The following EP400 variants were observed in gnomAD, a reference collection of about 807,000 sequenced individuals.
EP400 encodes E1A binding protein p400.
A neutral mutation model predicts 354.1 loss-of-function variants in EP400; 105 were observed. The observed-to-expected ratio is 0.30, with a 90% CI of 0.25 to 0.35. The LOEUF is 0.35. Among genes scored for constraint, EP400 ranks in the 10% least tolerant of loss-of-function variants. The pLI is 1.00. For missense variants in EP400, 3,280 were observed against 4,121.0 expected, an observed-to-expected ratio of 0.80 and a Z score of 5.59; for synonymous variants, 1,646 against 1,716.9, an observed-to-expected ratio of 0.96 and a Z score of 1.02.
At position 132,054,558 on chromosome 12, in the gene EP400, G is replaced by C. The variant is rs1369402290; in HGVS notation, c.7729-416G>C. Among the ~76,000 whole-genome samples, 5 of 152,200 alleles carry C rather than the reference G, an allele frequency of 3.3e-5. No individual in the cohort carries two copies. The highest frequency in any genetic ancestry group is 4.8e-5 in the African/African-American group (2 of 41,436). On this transcript the variant is annotated intron_variant, in intron 43 of 52. Transcript: ENST00000389561. This position sits in a 1 kb window ranked among gnomAD's most constrained non-coding sequence, Gnocchi z 4.0. The stretch of plus-strand genomic sequence containing the variant: ...CTGAGGACTTGGCATTTGAGCTAAG[G>C]CCTGAATGACAAGGAGTTGGTCATA...
chr12:132,077,384 T>C lies in EP400; in HGVS notation c.9100-17T>C, dbSNP rs1313034504. On this transcript the variant is annotated splice_polypyrimidine_tract_variant and intron_variant, in intron 52 of 52. Transcript: ENST00000389561. ...AGTTTCCTGGGCAATGTGTGTTTTC[T>C]GACTCTCTCGGCTCAGGCTTCTCCA... The C allele has an allele frequency of 6.2e-7, 1 of 1,602,056 alleles. No homozygotes were observed. Among genetic ancestry groups the C allele is most frequent in the South Asian group, 1.1e-5 (1 of 90,532 alleles).
chr12:131,983,718 C>T (rs1892758152), intron 5 of EP400, among the ~76,000 whole-genome samples: 1 of 152,186 alleles, frequency 6.6e-6, no homozygotes, highest in African/African-American at 2.4e-5. Flanking sequence ...CTGGCTCTGT[C>T]ACCCAGGCTG....
rs1014468858 is a variant in EP400, at chr12:132,078,372, C to G, written c.*699C>G. On this transcript the variant is annotated 3_prime_UTR_variant, in exon 53 of 53. Coordinates refer to ENST00000389561, the MANE Select transcript of EP400 (RefSeq NM_015409.5). ...AAGAGCAGCCAACAGTGGCCTCCCC[C>G]AGGCCCTACCCTGCAATGGGATTCG... The G allele has an allele frequency of 6.6e-6, 1 of 152,378 alleles. No homozygotes were observed. The highest frequency in any genetic ancestry group is 2.4e-5 in the African/African-American group (1 of 41,462). The allele number at this position is 152,378 out of a possible 1,614,324, so 9.4% of individuals were successfully genotyped here. A position where few individuals can be genotyped will look rare whatever the true frequency, so the allele number is the denominator to read the frequency against.
rs114248835 is a variant in EP400 at position 131,990,169 on chromosome 12, C to A, written c.2550+65C>A. The A allele has an allele frequency of 1.2e-5, 18 of 1,541,780 alleles. No homozygotes were observed. Among genetic ancestry groups the A allele is most frequent in the Non-Finnish European group, 1.6e-5 (18 of 1,148,436 alleles). ...TGTCGGAGCTGGTGAGGCCACTTCCCGAGACCAGAGCTCGGGCACCTTGCT... is the reference window on the plus strand; with the variant it reads ...TGTCGGAGCTGGTGAGGCCACTTCCAGAGACCAGAGCTCGGGCACCTTGCT... On this transcript the variant is annotated intron_variant, in intron 8 of 52. Coordinates refer to ENST00000389561, the MANE Select transcript of EP400 (RefSeq NM_015409.5). The surrounding 1 kb of genome is among the most constrained non-coding windows in gnomAD (Gnocchi z 4.2).
chr12:132,023,777 G>A lies in EP400; in HGVS notation c.4691G>A (p.Ser1564Asn). The A allele has an allele frequency of 5.6e-6, 9 of 1,613,010 alleles. No individual in the cohort carries two copies. The highest frequency in any genetic ancestry group is 7.6e-6 in the Non-Finnish European group (9 of 1,179,676). Residue 1564 changes from serine (S) to asparagine (N), a missense_variant and splice_region_variant, in exon 24 of 53, where the codon AGT becomes AAT. Physicochemically the swap from Ser to Asn is conservative, Grantham distance 46 (BLOSUM62 1). This residue lies in a region of EP400 where 342 missense variants were observed against 342.7 expected (regional missense o/e 1.00). Transcript: ENST00000389561. ...LPSQAQARLPSGEVVKIAQLA... is the reference protein window; with the variant it reads ...LPSQAQARLPNGEVVKIAQLA... ...CACCTTTTCCTCTACGTTTCAACAGGTGGAGAGGTAGTGAAAATAGCTCAG... is the reference window on the plus strand; with the variant it reads ...CACCTTTTCCTCTACGTTTCAACAGATGGAGAGGTAGTGAAAATAGCTCAG...
chr12:132,029,946 G>T lies in EP400; in HGVS notation c.5584+43G>T. On this transcript the variant is annotated intron_variant, in intron 28 of 52. Coordinates refer to ENST00000389561, the MANE Select transcript of EP400 (RefSeq NM_015409.5). The surrounding 1 kb of genome is among the most constrained non-coding windows in gnomAD (Gnocchi z 4.7). ...GCGTGGCCCGTGCGGGAGCTGCACCGGCCCTGGATGATGAGGCGCTCTTGA... is the reference window on the plus strand; with the variant it reads ...GCGTGGCCCGTGCGGGAGCTGCACCTGCCCTGGATGATGAGGCGCTCTTGA... 6.2e-7 allele frequency: 1 copy of T among 1,612,080 alleles called. No individual in the cohort carries two copies. Among genetic ancestry groups the T allele is most frequent in the Non-Finnish European group, 8.5e-7 (1 of 1,179,602 alleles).
rs142792947 is a variant in EP400, at chr12:132,018,273, G to A, written c.4174G>A (p.Glu1392Lys). 6 of 1,613,904 alleles carry A rather than the reference G, an allele frequency of 3.7e-6. No homozygotes were observed. Among genetic ancestry groups the A allele is most frequent in the Admixed American group, 1.7e-5 (1 of 59,918 alleles). The change falls in exon 21 of 53, where the codon GAG becomes AAG. Residue 1392 changes from glutamate to lysine, a missense_variant. By Grantham distance (56) the Glu-to-Lys change is moderately conservative (BLOSUM62 1). This residue lies in a region of EP400 where 342 missense variants were observed against 342.7 expected (regional missense o/e 1.00). Transcript: ENST00000389561. This position sits in a 1 kb window ranked among gnomAD's most constrained non-coding sequence, Gnocchi z 4.0. ...LENKITRHEA[E>K]LLSKKKIPRK... is the part of the protein sequence containing the mutation. The stretch of plus-strand genomic sequence containing the variant: ...AAATAAAATCACTCGTCACGAGGCA[G>A]AGTTGCTGTCTAAGAAAAAGATACC...
chr12:132,045,583 C>A, intron 38 of EP400, 23 bp downstream of exon 38: 1 of 1,612,328 alleles, frequency 6.2e-7, no homozygotes, highest in Non-Finnish European at 8.5e-7. Context: ...GGTCTTTGTG[C>A]CAGCGGTCAT....
At chr12:132,008,219 A>G (rs1893649573) in intron 15 of EP400, among the ~76,000 whole-genome samples, 3 of 152,200 alleles carry the variant, frequency 2.0e-5, no homozygotes, top group Admixed American at 2.0e-4. Flanking sequence ...AAATGCTGGG[A>G]TTACAGGCGT....
At chr12:131,985,931 T>C (rs1892840261) in intron 5 of EP400, among the ~76,000 whole-genome samples, 1 of 152,146 alleles carries the variant, frequency 6.6e-6, no homozygotes, top group Non-Finnish European at 1.5e-5. Context: ...TTAACCCTTT[T>C]AGCCTGTCTG....
chr12:132,077,532 G>A lies in EP400; in HGVS notation c.9231G>A (p.Ala3077=), dbSNP rs142408281. The change falls in exon 53 of 53, where the codon GCG becomes GCA. Residue 3077 remains alanine (A), a synonymous_variant. Transcript: ENST00000389561. The part of the protein sequence containing the change: ...KLIQQQVVTT[A]SAPLQTPGAP... ...TTCAGCAGCAGGTGGTGACCACGGC[G>A]TCGGCCCCGCTCCAGACTCCAGGCG... is the stretch of plus-strand genomic sequence containing the variant. The A allele has an allele frequency of 5.2e-5, 84 of 1,613,708 alleles. No individual in the cohort carries two copies. Among genetic ancestry groups the A allele is most frequent in the African/African-American group, 2.1e-4 (16 of 74,928 alleles).
intron 2 of EP400, among the ~76,000 whole-genome samples, chr12:131,963,205 G>C (rs1891959847): frequency 6.6e-6 from 1 of 152,192 alleles, no homozygotes; most frequent in Non-Finnish European, 1.5e-5. Flanking sequence ...ACATATAACA[G>C]AGTGGCTATT....
intron 7 of EP400, among the ~76,000 whole-genome samples, chr12:131,988,613 G>A (rs1472570474): frequency 6.6e-6 from 1 of 152,198 alleles, no homozygotes; most frequent in Non-Finnish European, 1.5e-5. Context: ...GCCAAAGCAG[G>A]CGCAGAGTCC....
intron 48 of EP400, chr12:132,065,945 T>C (rs563894798): frequency 6.6e-6 from 1 of 152,362 alleles, no homozygotes; most frequent in East Asian, 1.9e-4. Context: ...CACCCCCTTA[T>C]GTCCTGCAGA....
intron 3 of EP400, among the ~76,000 whole-genome samples, chr12:131,981,170 C>T (rs1431823651): frequency 1.3e-5 from 2 of 152,278 alleles, no homozygotes; most frequent in East Asian, 1.9e-4. Flanking sequence ...TGCTCTCGTC[C>T]GTGTACTTGT....
chr12:132,030,989 C>T (rs749837772), intron 29 of EP400, among the ~76,000 whole-genome samples: 3 of 152,204 alleles, frequency 2.0e-5, no homozygotes, highest in Admixed American at 6.5e-5. Flanking sequence ...CACACACACG[C>T]TCATGTACAC....
intron 2 of EP400, among the ~76,000 whole-genome samples, chr12:131,977,985 T>C (rs966398313): frequency 6.6e-6 from 1 of 152,148 alleles, no homozygotes; most frequent in Non-Finnish European, 1.5e-5. Flanking sequence ...GTGAATATAA[T>C]TGAGTGATTT....
At chr12:132,008,368 T>G (rs1272364283) in intron 15 of EP400, among the ~76,000 whole-genome samples, 2 of 152,248 alleles carry the variant, frequency 1.3e-5, no homozygotes, top group African/African-American at 4.8e-5. Flanking sequence ...TGATAAGTTT[T>G]TAAGCATAAG....
In EP400 at chr12:131,965,716, T is replaced by C. The variant is rs141122512; in HGVS notation, c.1335+3762T>C. 4.1e-3 allele frequency among the ~76,000 whole-genome samples: 620 copies of C among 152,326 alleles called. 2 individuals are homozygous for C. Among genetic ancestry groups the C allele is most frequent in the Non-Finnish European group, 6.9e-3 (468 of 68,024 alleles). On this transcript the variant is annotated intron_variant, in intron 2 of 52. Transcript: ENST00000389561. Reference sequence around the variant, plus strand: ...AATGAATATCTATGGAATCCTAGTCTGGGTTGCTTTTCAGTCTGGCTTCTT... The same window carrying C: ...AATGAATATCTATGGAATCCTAGTCCGGGTTGCTTTTCAGTCTGGCTTCTT...
Sources: gnomAD v4.1 joint callset for allele counts (sites outside exome capture counted in the v4.1 genomes callset) on GRCh38, gnomAD v4.1.1 for gene constraint, gnomAD v4.1.1 regional missense constraint, Gnocchi (gnomAD v3.1) non-coding constraint, MANE v1.5 for transcripts, NCBI Gene and HGNC (gene_info 2026-07-23, HGNC 2026-07-21) for gene names.